FSTL1: variants seen among roughly 807,000 people sequenced by gnomAD.
FSTL1 encodes the protein follistatin like 1.
In FSTL1, 24 loss-of-function variants were observed where a neutral mutation model predicts 45.9. The observed-to-expected ratio is 0.52, with a 90% CI of 0.38 to 0.74. FSTL1 has a LOEUF of 0.74. Among genes scored for constraint, FSTL1 ranks in the 30% least tolerant of loss-of-function variants. The pLI is 0.00. For synonymous variants in FSTL1, 120 were observed against 137.6 expected (o/e 0.87, Z 0.89); for missense variants, 340 against 381.8 (o/e 0.89, Z 0.91).
At chr3:120,418,799 G>A (rs1164233148) in intron 2 of FSTL1, among the ~76,000 whole-genome samples, 1 of 152,112 alleles carries the variant, frequency 6.6e-6, no homozygotes, top group Non-Finnish European at 1.5e-5. Flanking sequence ...AGGATTAAAC[G>A]GGATGTACTG....
intron 2 of FSTL1, among the ~76,000 whole-genome samples, chr3:120,436,062 T>TAA (rs35022337): frequency 8.9e-4 from 131 of 146,876 alleles, no homozygotes; most frequent in East Asian, 5.1e-3. Flanking sequence ...TTTATTTTTG[T>TAA]AAAAAAAAAA....
At chr3:120,431,286 T>C (rs1008038782) in intron 2 of FSTL1, among the ~76,000 whole-genome samples, 1 of 152,282 alleles carries the variant, frequency 6.6e-6, no homozygotes, top group South Asian at 2.1e-4. Flanking sequence ...AAGGTACCTT[T>C]TAAAAACTCA....
At chr3:120,407,936 G>T (rs1036742482) in intron 6 of FSTL1, among the ~76,000 whole-genome samples, 7 of 152,196 alleles carry the variant, frequency 4.6e-5, no homozygotes, top group Non-Finnish European at 8.8e-5. Context: ...GTGTTGAGGG[G>T]AATGTGGCAT....
At chr3:120,429,896 C>G (rs1335743560) in intron 2 of FSTL1, among the ~76,000 whole-genome samples, 2 of 152,200 alleles carry the variant, frequency 1.3e-5, no homozygotes, top group African/African-American at 4.8e-5. Flanking sequence ...TCCCTATTCA[C>G]TGTTTACAGC....
rs764104459 is a variant in FSTL1 at position 120,392,587 on chromosome 3, A to C, written c.*4365T>G. The C allele has an allele frequency of 1.3e-5, 2 of 152,226 alleles. No homozygotes were observed. Among genetic ancestry groups the C allele is most frequent in the Non-Finnish European group, 2.9e-5 (2 of 68,044 alleles). 9.4% of individuals were successfully genotyped at this position (152,226 alleles called of 1,614,324 possible). Reference sequence around the variant, plus strand: ...TACAATTTGGATTTTTACCATGTACACATATTATTTTTTCAGTAAAAAAGT... The same window carrying C: ...TACAATTTGGATTTTTACCATGTACCCATATTATTTTTTCAGTAAAAAAGT... On this transcript the variant is annotated 3_prime_UTR_variant, in exon 11 of 11. Transcript: ENST00000295633.
intron 9 of FSTL1, among the ~76,000 whole-genome samples, chr3:120,402,443 G>T (rs546139916): frequency 6.6e-6 from 1 of 151,294 alleles, no homozygotes; most frequent in African/African-American, 2.4e-5. Flanking sequence ...AATAATTATT[G>T]TTTTTATTTT....
intron 3 of FSTL1, 53 bp downstream of exon 3, chr3:120,415,870 G>T: frequency 9.8e-7 from 1 of 1,020,956 alleles, no homozygotes; most frequent in Non-Finnish European, 1.5e-6. Flanking sequence ...GGCTCCGCAA[G>T]GTACCACATT....
At chr3:120,434,170 A>C (rs961822980) in intron 2 of FSTL1, among the ~76,000 whole-genome samples, 4 of 152,218 alleles carry the variant, frequency 2.6e-5, no homozygotes, top group Non-Finnish European at 5.9e-5. Context: ...GTGGGGACAG[A>C]GGACAGTCAA....
In FSTL1 at chr3:120,395,704, A is replaced by T. The variant is rs1246285223; in HGVS notation, c.*1248T>A. The stretch of plus-strand genomic sequence containing the variant: ...ATAGAGAAGAAGGAAAAATCACAGG[A>T]ACCTATCTCCCCTCTGGACCAATGA... On this transcript the variant is annotated 3_prime_UTR_variant, in exon 11 of 11. Coordinates refer to ENST00000295633, the MANE Select transcript of FSTL1 (RefSeq NM_007085.5). 1 of 534,718 alleles carries T rather than the reference A, an allele frequency of 1.9e-6. No homozygotes were observed. Among genetic ancestry groups the T allele is most frequent in the Non-Finnish European group, 3.8e-6 (1 of 260,098 alleles). 33.1% of individuals were successfully genotyped at this position (534,718 alleles called of 1,614,324 possible). A position where few individuals can be genotyped will look rare whatever the true frequency, so the allele number is the denominator to read the frequency against.
chr3:120,392,826 T>G lies in FSTL1; in HGVS notation c.*4126A>C, dbSNP rs1936618835. On this transcript the variant is annotated 3_prime_UTR_variant, in exon 11 of 11. Coordinates refer to ENST00000295633, the MANE Select transcript of FSTL1 (RefSeq NM_007085.5). ...ATGCATTCATATTTTTTCCCTTCCT[T>G]CCTTCCCCTTATTTCAGAAATAATT... The G allele has an allele frequency of 1.3e-5, 2 of 152,266 alleles. No homozygotes were observed. Among genetic ancestry groups the G allele is most frequent in the East Asian group, 3.9e-4 (2 of 5,186 alleles). 9.4% of individuals were successfully genotyped at this position (152,266 alleles called of 1,614,324 possible). A position where few individuals can be genotyped will look rare whatever the true frequency, so the allele number is the denominator to read the frequency against.
Position 120,393,907 on chromosome 3 carries a change from C to A in FSTL1, c.*3045G>T, listed in dbSNP as rs1576202394. The A allele has an allele frequency of 6.6e-6, 1 of 152,228 alleles. No homozygotes were observed. Among genetic ancestry groups the A allele is most frequent in the South Asian group, 2.1e-4 (1 of 4,824 alleles). The allele number at this position is 152,228 out of a possible 1,614,324, so 9.4% of individuals were successfully genotyped here. A position where few individuals can be genotyped will look rare whatever the true frequency, so the allele number is the denominator to read the frequency against. ...ATTCTTTGAAGCAGGCAAGCTTCAA[C>A]AAGCCGTCATCAGACACTGAATCTG... is the stretch of plus-strand genomic sequence containing the variant. On this transcript the variant is annotated 3_prime_UTR_variant, in exon 11 of 11. Coordinates refer to ENST00000295633, the MANE Select transcript of FSTL1 (RefSeq NM_007085.5).
At chr3:120,422,925 T>C (rs575693965) in intron 2 of FSTL1, among the ~76,000 whole-genome samples, 58 of 152,290 alleles carry the variant, frequency 3.8e-4, no homozygotes, top group African/African-American at 1.3e-3. Flanking sequence ...GAATTCCTGA[T>C]TGCAAGTGAT....
At chr3:120,446,652 T>C (rs762747000) in intron 2 of FSTL1, among the ~76,000 whole-genome samples, 3 of 152,228 alleles carry the variant, frequency 2.0e-5, no homozygotes, top group African/African-American at 2.4e-5. Flanking sequence ...GAAGATGCAG[T>C]CAGAGATATG....
At chr3:120,430,781 T>C (rs1937463661) in intron 2 of FSTL1, among the ~76,000 whole-genome samples, 1 of 152,186 alleles carries the variant, frequency 6.6e-6, no homozygotes, top group South Asian at 2.1e-4. Context: ...ACACTCTGTG[T>C]CTCTAAGGAG....
chr3:120,432,552 G>A (rs549089235), intron 2 of FSTL1, among the ~76,000 whole-genome samples: 1 of 151,734 alleles, frequency 6.6e-6, no homozygotes, highest in Non-Finnish European at 1.5e-5. Context: ...TTTCCCCAAG[G>A]ACTGCATTAG....
At chr3:120,403,952 A>AG (rs1936889874) in intron 7 of FSTL1, among the ~76,000 whole-genome samples, 1 of 82,246 alleles carries the variant, frequency 1.2e-5, no homozygotes, top group African/African-American at 5.1e-5. Flanking sequence ...AAACAAAAAC[A>AG]AAACAAAACA....
At chr3:120,407,234 C>G (rs1374507813) in intron 6 of FSTL1, among the ~76,000 whole-genome samples, 2 of 152,154 alleles carry the variant, frequency 1.3e-5, no homozygotes, top group Non-Finnish European at 2.9e-5. Flanking sequence ...TTTGGAGACT[C>G]TTCAGAGGAG....
intron 10 of FSTL1, among the ~76,000 whole-genome samples, chr3:120,398,878 T>C (rs1936759815): frequency 6.6e-6 from 1 of 152,256 alleles, no homozygotes; most frequent in Non-Finnish European, 1.5e-5. Flanking sequence ...TGAACTCATT[T>C]GGAGACTCAA....
At chr3:120,403,178 C>T in intron 8 of FSTL1, 64 bp downstream of exon 8, 2 of 916,274 alleles carry the variant, frequency 2.2e-6, no homozygotes, top group Non-Finnish European at 3.7e-6. Context: ...CCAATCCTCT[C>T]TATCTTGGCT....
Sources: gnomAD v4.1 joint callset for allele counts (sites outside exome capture counted in the v4.1 genomes callset) on GRCh38, gnomAD v4.1.1 for gene constraint, MANE v1.5 for transcripts, NCBI Gene and HGNC (gene_info 2026-07-23, HGNC 2026-07-21) for gene names.